Variants in ACTN2 observed in about 807,000 individuals in gnomAD.
ACTN2 encodes the protein alpha-actinin-2.
ACTN2 carries 39 observed loss-of-function variants against 113.8 expected under a neutral mutation model. The observed-to-expected ratio is 0.34, with a 90% CI of 0.27 to 0.45. The LOEUF (loss-of-function observed/expected upper bound fraction) is 0.45. ACTN2 is among the 20% of genes least tolerant of loss of function. The pLI is 1.00. For synonymous variants in ACTN2, 429 were observed against 444.1 expected, an observed-to-expected ratio of 0.97 and a Z score of 0.43; for missense variants, 992 against 1,177.9, an observed-to-expected ratio of 0.84 and a Z score of 2.31.
intron 1 of ACTN2, among the ~76,000 whole-genome samples, chr1:236,709,250 A>ATATATG (rs1558227428): frequency 1.9e-4 from 19 of 97,544 alleles, no homozygotes; most frequent in African/African-American, 6.2e-4. Context: ...ATATATATAT[A>ATATATG]TATATACACA....
At chr1:236,710,366 T>C (rs1657988112) in intron 1 of ACTN2, among the ~76,000 whole-genome samples, 1 of 152,268 alleles carries the variant, frequency 6.6e-6, no homozygotes, top group African/African-American at 2.4e-5. Context: ...ATGCACATTT[T>C]CTTTTTGCCG....
At position 236,758,303 on chromosome 1, in the gene ACTN2, A is replaced by ATTTTTTTTTTTTTTT. The variant is rs1349813845; in HGVS notation, c.2301+672_2301+673insTTTTTTTTTTTTTTT. 4.8e-4 allele frequency among the ~76,000 whole-genome samples: 65 copies of ATTTTTTTTTTTTTTT among 135,892 alleles called. 1 individual carries two copies. Among genetic ancestry groups the ATTTTTTTTTTTTTTT allele is most frequent in the Middle Eastern group, 3.5e-3 (1 of 284 alleles). The allele number at this position is 135,892 out of a possible 152,430, so 89.2% of individuals were successfully genotyped here. A position where few individuals can be genotyped will look rare whatever the true frequency, so the allele number is the denominator to read the frequency against. Reference sequence around the variant, plus strand: ...CCAATTCTTTTCTTTTTTTTTTTTAATGAGACGGAGTCTCGCTCTGTCACC... The same window carrying ATTTTTTTTTTTTTTT: ...CCAATTCTTTTCTTTTTTTTTTTTAATTTTTTTTTTTTTTTTGAGACGGAGTCTCGCTCTGTCACC... On this transcript the variant is annotated intron_variant, in intron 18 of 20. Transcript: ENST00000366578.
At chr1:236,696,104 C>T (rs779706012) in intron 1 of ACTN2, among the ~76,000 whole-genome samples, 1 of 151,816 alleles carries the variant, frequency 6.6e-6, no homozygotes, top group Non-Finnish European at 1.5e-5. Context: ...GTCAGGAGTT[C>T]GAGACCAGCC....
intron 1 of ACTN2, among the ~76,000 whole-genome samples, chr1:236,694,537 T>C (rs1048776330): frequency 2.0e-5 from 3 of 152,136 alleles, no homozygotes; most frequent in Non-Finnish European, 4.4e-5. Flanking sequence ...CTGACATTTA[T>C]TGAATGAAGA....
chr1:236,695,564 C>CCCCA (rs1657468899), intron 1 of ACTN2, among the ~76,000 whole-genome samples: 3 of 8,320 alleles, frequency 3.6e-4, no homozygotes, highest in Admixed American at 1.7e-3. Flanking sequence ...GAAATGAGTT[C>CCCCA]CCCCCCCCTG....
Position 236,762,732 on chromosome 1 carries a change from A to G in ACTN2, c.*113A>G. ...TTAAGTTGAGAGAGAGAGAGGGGAA[A>G]AAAAAAAGCCTTTCGTAGTTCAGTA... On this transcript the variant is annotated 3_prime_UTR_variant, in exon 21 of 21. Coordinates refer to ENST00000366578, the MANE Select transcript of ACTN2 (RefSeq NM_001103.4). 1.5e-6 allele frequency: 2 copies of G among 1,347,572 alleles called. No individual in the cohort carries two copies. The highest frequency in any genetic ancestry group is 1.4e-5 in the African/African-American group (1 of 69,374). The allele number at this position is 1,347,572 out of a possible 1,614,324, so 83.5% of individuals were successfully genotyped here. A position where few individuals can be genotyped will look rare whatever the true frequency, so the allele number is the denominator to read the frequency against.
At chr1:236,725,554 G>A (rs753070474) in intron 4 of ACTN2, among the ~76,000 whole-genome samples, 5 of 152,138 alleles carry the variant, frequency 3.3e-5, no homozygotes, top group Non-Finnish European at 7.4e-5. Flanking sequence ...TTGAACCCGG[G>A]AGGCAGAGGT....
chr1:236,763,983 A>T lies in ACTN2; in HGVS notation c.*1364A>T, dbSNP rs1282961386. 1 of 152,234 alleles carries T rather than the reference A, an allele frequency of 6.6e-6. No homozygotes were observed. Among genetic ancestry groups the T allele is most frequent in the Non-Finnish European group, 1.5e-5 (1 of 68,044 alleles). 9.4% of individuals were successfully genotyped at this position (152,234 alleles called of 1,614,324 possible). On this transcript the variant is annotated 3_prime_UTR_variant, in exon 21 of 21. Coordinates refer to ENST00000366578, the MANE Select transcript of ACTN2 (RefSeq NM_001103.4). ...TTAATGATCAGGAAATGGATTACAA[A>T]CAAACAAAAACAGTTGCAAACAGCA...
chr1:236,713,690 T>C (rs1156694516), intron 1 of ACTN2, among the ~76,000 whole-genome samples: 1 of 76,356 alleles, frequency 1.3e-5, no homozygotes, highest in African/African-American at 5.2e-5. Flanking sequence ...CAGATACCAC[T>C]GAAGGGATAT....
chr1:236,696,927 G>C (rs1175265111), intron 1 of ACTN2, among the ~76,000 whole-genome samples: 1 of 152,074 alleles, frequency 6.6e-6, no homozygotes, highest in Non-Finnish European at 1.5e-5. Context: ...CTCCCAAAGT[G>C]CTGGGATTAC....
intron 12 of ACTN2, among the ~76,000 whole-genome samples, 173 bp from the exon 13 acceptor site, chr1:236,747,493 AC>A (rs889711655): frequency 5.3e-5 from 8 of 151,368 alleles, no homozygotes; most frequent in East Asian, 2.0e-4. Flanking sequence ...CTACCCTTCC[AC>A]CCCCTCACCC....
chr1:236,694,318 G>A (rs1572093086), intron 1 of ACTN2, among the ~76,000 whole-genome samples: 1 of 151,352 alleles, frequency 6.6e-6, no homozygotes, highest in Non-Finnish European at 1.5e-5. Context: ...CGCCTCCCAG[G>A]TTCAGGTGAT....
chr1:236,711,107 G>A (rs1221730222), intron 1 of ACTN2, among the ~76,000 whole-genome samples: 2 of 152,214 alleles, frequency 1.3e-5, no homozygotes, highest in African/African-American at 4.8e-5. Flanking sequence ...TGCATCCAGG[G>A]AAGGCCTGTA....
chr1:236,744,486 G>A, intron 11 of ACTN2, 140 bp from the exon 12 acceptor site: 1 of 1,020,836 alleles, frequency 9.8e-7, no homozygotes, highest in Non-Finnish European at 1.5e-6. Context: ...TCACAACCCT[G>A]GCCTGCATCT....
At chr1:236,696,068 A>G (rs1384168182) in intron 1 of ACTN2, among the ~76,000 whole-genome samples, 1 of 152,178 alleles carries the variant, frequency 6.6e-6, no homozygotes, top group African/African-American at 2.4e-5. Flanking sequence ...GCACTTTGGG[A>G]GGCCGAGGCA....
chr1:236,738,243 A>C (rs1230348087), intron 9 of ACTN2, among the ~76,000 whole-genome samples: 1 of 152,266 alleles, frequency 6.6e-6, no homozygotes, highest in Non-Finnish European at 1.5e-5. Context: ...TCCTGACCTC[A>C]GGTGATCCAC....
intron 8 of ACTN2, among the ~76,000 whole-genome samples, chr1:236,736,156 G>A (rs529241089): frequency 6.6e-6 from 1 of 152,314 alleles, no homozygotes; most frequent in South Asian, 2.1e-4. Context: ...CTTATTTTAA[G>A]TGAAATAGTG....
Position 236,754,123 on chromosome 1 carries a change from A to T in ACTN2, c.1974+42A>T. ...CCAGGCGCTGTTCACAAGCCTTGCG[A>T]TAAGTCCCTTTAGCCACGCAGCAGT... On this transcript the variant is annotated intron_variant, in intron 16 of 20. Coordinates refer to ENST00000366578, the MANE Select transcript of ACTN2 (RefSeq NM_001103.4). This position sits in a 1 kb window ranked among gnomAD's most constrained non-coding sequence, Gnocchi z 4.9. The T allele has an allele frequency of 6.2e-7, 1 of 1,610,666 alleles. No homozygotes were observed. Among genetic ancestry groups the T allele is most frequent in the Non-Finnish European group, 8.5e-7 (1 of 1,179,930 alleles).
At chr1:236,736,223 C>T (rs1658871395) in intron 8 of ACTN2, among the ~76,000 whole-genome samples, 1 of 152,188 alleles carries the variant, frequency 6.6e-6, no homozygotes, top group African/African-American at 2.4e-5. Context: ...GACAAATAGC[C>T]CAAGGGACCT....
Sources: gnomAD v4.1 joint callset for allele counts (sites outside exome capture counted in the v4.1 genomes callset) on GRCh38, gnomAD v4.1.1 for gene constraint, Gnocchi (gnomAD v3.1) non-coding constraint, MANE v1.5 for transcripts, NCBI Gene and HGNC (gene_info 2026-07-23, HGNC 2026-07-21) for gene names.